TM4SF20: variants seen among roughly 807,000 people sequenced by gnomAD.
TM4SF20 encodes transmembrane 4 L six family member 20.
A neutral mutation model predicts 15.1 loss-of-function variants in TM4SF20; 13 were observed. The ratio of observed to expected loss-of-function variants is 0.86; its 90% CI spans 0.56 to 1.36. TM4SF20 has a LOEUF of 1.36. Among genes scored for constraint, TM4SF20 ranks in the 40% most tolerant of loss-of-function variants. The pLI is 0.00. For missense variants in TM4SF20, 282 were observed against 268.4 expected (o/e 1.05, Z -0.35); for synonymous variants, 92 against 96.6 (o/e 0.95, Z 0.28).
chr2:227,367,746 AT>A (rs1339493449), intron 2 of TM4SF20, among the ~76,000 whole-genome samples: 56 of 152,142 alleles, frequency 3.7e-4, no homozygotes, highest in Non-Finnish European at 2.9e-5. Context: ...TACATATATC[AT>A]CTCATTTAAT....
In TM4SF20 at chr2:227,379,185, T is replaced by C; in HGVS notation, c.84A>G (p.Ile28Met). The change falls in exon 1 of 4, where the codon ATA (isoleucine) becomes ATG (methionine). Residue 28 changes from isoleucine to methionine, a missense_variant. Coordinates refer to ENST00000304568, the MANE Select transcript of TM4SF20 (RefSeq NM_024795.4). The stretch of plus-strand genomic sequence containing the variant: ...CCTCAACTAAGCTGACAATTAGAGG[T>C]ATCGCATTGAGAACTACTCCTAACA... ...LLLLGVVLNAIPLIVSLVEED... is the reference protein window; with the variant it reads ...LLLLGVVLNAMPLIVSLVEED... The C allele has an allele frequency of 6.2e-7, 1 of 1,614,162 alleles. No individual in the cohort carries two copies. The highest frequency in any genetic ancestry group is 8.5e-7 in the Non-Finnish European group (1 of 1,180,018).
intron 2 of TM4SF20, among the ~76,000 whole-genome samples, chr2:227,370,482 C>T (rs1370836807): frequency 1.3e-5 from 2 of 152,084 alleles, no homozygotes; most frequent in African/African-American, 2.4e-5. Context: ...TCAGGCCAGG[C>T]GCAGTGGCTC....
At chr2:227,372,623 G>C (rs1313083830) in intron 1 of TM4SF20, among the ~76,000 whole-genome samples, 1 of 152,076 alleles carries the variant, frequency 6.6e-6, no homozygotes, top group African/African-American at 2.4e-5. Context: ...CCTGGCGACA[G>C]AGCGAGACTC....
Position 227,366,176 on chromosome 2 carries a change from G to A in TM4SF20, c.318C>T (p.Ile106=), listed in dbSNP as rs2076391870. Residue 106 remains isoleucine (I), a synonymous_variant, in exon 3 of 4, where the codon ATC becomes ATT. Transcript: ENST00000304568. ...IGALYCMLIS[I]QALLKGPLMC... is the part of the protein sequence containing the mutation. ...TGAGAGGACCTTTTAAGAGAGCCTGGATGGATATCAGCATGCAATACAGAG... is the reference window on the plus strand; with the variant it reads ...TGAGAGGACCTTTTAAGAGAGCCTGAATGGATATCAGCATGCAATACAGAG... 6.2e-7 allele frequency: 1 copy of A among 1,613,832 alleles called. No individual in the cohort carries two copies. Among genetic ancestry groups the A allele is most frequent in the Non-Finnish European group, 8.5e-7 (1 of 1,179,872 alleles).
At chr2:227,380,489 C>T (rs182357194), upstream of TM4SF20, among the ~76,000 whole-genome samples, 51 of 152,248 alleles carry the variant, frequency 3.3e-4, no homozygotes, top group African/African-American at 1.2e-3. Flanking sequence ...AGGCAGGGTA[C>T]AAAAATGTGG....
chr2:227,377,392 T>C (rs893465304), intron 1 of TM4SF20, among the ~76,000 whole-genome samples: 4 of 152,194 alleles, frequency 2.6e-5, no homozygotes, highest in Non-Finnish European at 4.4e-5. Flanking sequence ...TGCAATGTGT[T>C]TTCTGTCTCT....
chr2:227,373,927 C>CAAACAAAAA (rs2076433839), intron 1 of TM4SF20, among the ~76,000 whole-genome samples: 1 of 103,072 alleles, frequency 9.7e-6, no homozygotes, highest in African/African-American at 4.0e-5. Flanking sequence ...GACTCCGTCT[C>CAAACAAAAA]AAAAAAAAAA....
chr2:227,366,799 A>G (rs953774407), intron 2 of TM4SF20, among the ~76,000 whole-genome samples: 3 of 146,786 alleles, frequency 2.0e-5, no homozygotes, highest in African/African-American at 7.5e-5. Flanking sequence ...CTCAACTTTC[A>G]TATTCCTGAG....
intron 3 of TM4SF20, among the ~76,000 whole-genome samples, chr2:227,364,376 C>T (rs1372286608): frequency 6.8e-6 from 1 of 147,006 alleles, no homozygotes. Flanking sequence ...ACTAAGGAGC[C>T]TCCCCTACCC....
At position 227,379,241 on chromosome 2, in the gene TM4SF20, A is replaced by G; in HGVS notation, c.28T>C (p.Cys10Arg). Residue 10 changes from cysteine to arginine, a missense_variant, in exon 1 of 4, where the codon TGC becomes CGC. Cys to Arg is a radical substitution (Grantham distance 180). Transcript: ENST00000304568. ...AGAACCAGCAGGCTGAATCCATTGC[A>G]GGATGTCCATCCTTCGCAGCAGGTC... MTCCEGWTS[C>R]NGFSLLVLLL... The G allele has an allele frequency of 1.2e-6, 2 of 1,614,184 alleles. No homozygotes were observed. The highest frequency in any genetic ancestry group is 1.7e-6 in the Non-Finnish European group (2 of 1,180,026).
chr2:227,380,580 T>C (rs895668152), upstream of TM4SF20, among the ~76,000 whole-genome samples: 3 of 152,152 alleles, frequency 2.0e-5, no homozygotes, highest in African/African-American at 7.2e-5. Context: ...GCCAAAAAAG[T>C]CACTCAGTTA....
Position 227,379,087 on chromosome 2 carries a change from A to C in TM4SF20, c.182T>G (p.Met61Arg), listed in dbSNP as rs2076465846. The C allele has an allele frequency of 3.7e-6, 6 of 1,614,004 alleles. No individual in the cohort carries two copies. Among genetic ancestry groups the C allele is most frequent in the Non-Finnish European group, 5.1e-6 (6 of 1,179,936 alleles). Residue 61 changes from methionine (M) to arginine (R), a missense_variant and splice_region_variant, in exon 1 of 4, where the codon ATG becomes AGG. Transcript: ENST00000304568. ...TCAAGTCAAATAAATATCACTCACCATCAGACCTGCTCCTATAATTCCTGG... is the reference window on the plus strand; with the variant it reads ...TCAAGTCAAATAAATATCACTCACCCTCAGACCTGCTCCTATAATTCCTGG... ...WFPGIIGAGL[M>R]AIPATTMSLT... is the part of the protein sequence containing the mutation.
intron 1 of TM4SF20, among the ~76,000 whole-genome samples, chr2:227,376,494 G>A (rs2106496002): frequency 6.6e-6 from 1 of 152,284 alleles, no homozygotes; most frequent in East Asian, 1.9e-4. Flanking sequence ...TGTCTATAAA[G>A]TTCATATTGG....
Position 227,363,676 on chromosome 2 carries a change from T to G in TM4SF20, c.*48A>C. On this transcript the variant is annotated 3_prime_UTR_variant, in exon 4 of 4. Coordinates refer to ENST00000304568, the MANE Select transcript of TM4SF20 (RefSeq NM_024795.4). ...AGATGACTTTGAAAACAAGTGTACTTCTCAAATTAATTCAAACTACTGATA... is the reference window on the plus strand; with the variant it reads ...AGATGACTTTGAAAACAAGTGTACTGCTCAAATTAATTCAAACTACTGATA... 5 of 1,544,298 alleles carry G rather than the reference T, an allele frequency of 3.2e-6. No homozygotes were observed. The highest frequency in any genetic ancestry group is 3.5e-6 in the Non-Finnish European group (4 of 1,144,770).
chr2:227,368,330 A>ATAAT (rs1553786637), intron 2 of TM4SF20, among the ~76,000 whole-genome samples: 2 of 56,504 alleles, frequency 3.5e-5, no homozygotes, highest in Non-Finnish European at 7.2e-5. Flanking sequence ...GCCGCCATCT[A>ATAAT]TTATTTATAT....
intron 2 of TM4SF20, among the ~76,000 whole-genome samples, chr2:227,368,092 C>T (rs746996878): frequency 6.2e-4 from 86 of 138,770 alleles, no homozygotes; most frequent in Admixed American, 1.2e-3. Context: ...GGCATGATCT[C>T]GGCTCACTGC....
At chr2:227,378,386 A>G (rs2076462194) in intron 1 of TM4SF20, among the ~76,000 whole-genome samples, 1 of 152,212 alleles carries the variant, frequency 6.6e-6, no homozygotes, top group Non-Finnish European at 1.5e-5. Context: ...CGTAAATCTA[A>G]CTATTGCAAG....
chr2:227,378,257 C>T (rs948545239), intron 1 of TM4SF20, among the ~76,000 whole-genome samples: 24 of 152,154 alleles, frequency 1.6e-4, no homozygotes, highest in African/African-American at 5.8e-4. Flanking sequence ...GATTTGCTTG[C>T]AGTGGTATAT....
chr2:227,381,347 A>G (rs1371669985), upstream of TM4SF20, among the ~76,000 whole-genome samples: 2 of 152,074 alleles, frequency 1.3e-5, no homozygotes, highest in Non-Finnish European at 2.9e-5. Flanking sequence ...AAAGAATACA[A>G]CTGGGTTGAG....
Sources: gnomAD v4.1 joint callset for allele counts (sites outside exome capture counted in the v4.1 genomes callset) on GRCh38, gnomAD v4.1.1 for gene constraint, MANE v1.5 for transcripts, NCBI Gene and HGNC (gene_info 2026-07-23, HGNC 2026-07-21) for gene names.